The following CALCR variants were observed in gnomAD, a reference collection of about 807,000 sequenced individuals.
The protein encoded by CALCR is calcitonin receptor.
Under a neutral mutation model 59.5 loss-of-function variants are expected in CALCR, and 47 were observed. The observed-to-expected ratio is 0.79, with a 90% CI of 0.63 to 1.01. The LOEUF (loss-of-function observed/expected upper bound fraction) is 1.01. Among genes scored for constraint, CALCR ranks in the 50% least tolerant of loss-of-function variants. The pLI is 0.00. For synonymous variants in CALCR, 213 were observed against 211.3 expected, an observed-to-expected ratio of 1.01 and a Z score of -0.07; for missense variants, 566 against 597.1, an observed-to-expected ratio of 0.95 and a Z score of 0.54.
At chr7:93,533,848 T>C (rs921198850) in intron 2 of CALCR, among the ~76,000 whole-genome samples, 5 of 151,878 alleles carry the variant, frequency 3.3e-5, no homozygotes, top group Non-Finnish European at 5.9e-5. Context: ...GTTATTTCTT[T>C]GGGAAGTAAA....
At chr7:93,508,373 G>A (rs1392544592) in intron 2 of CALCR, among the ~76,000 whole-genome samples, 2 of 152,038 alleles carry the variant, frequency 1.3e-5, no homozygotes, top group African/African-American at 2.4e-5. Context: ...GAGAGCATGT[G>A]GACTCACAAA....
At chr7:93,460,242 A>G (rs1439128817) in intron 8 of CALCR, among the ~76,000 whole-genome samples, 1 of 151,866 alleles carries the variant, frequency 6.6e-6, no homozygotes, top group African/African-American at 2.4e-5. Context: ...ATGTTAATAA[A>G]TTACTGGTTA....
chr7:93,432,516 G>A (rs890668545), intron 13 of CALCR, among the ~76,000 whole-genome samples: 2 of 152,092 alleles, frequency 1.3e-5, no homozygotes, highest in African/African-American at 4.8e-5. Flanking sequence ...CCTTCCCCCA[G>A]TAACGGGATC....
intron 2 of CALCR, among the ~76,000 whole-genome samples, chr7:93,560,772 A>G (rs1789727123): frequency 2.0e-5 from 3 of 152,026 alleles, no homozygotes; most frequent in Non-Finnish European, 4.4e-5. Flanking sequence ...AGTGAAGATA[A>G]AGTTTGGGAT....
chr7:93,532,838 CAAAAAAAAAAAA>C lies in CALCR; in HGVS notation c.-27+41439_-27+41450del, dbSNP rs57128008. ...TAGCCTTGATTCCTCATGTCCAAAG[CAAAAAAAAAAAA>C]AAAAAAAAAAAAATACTTACTCAAC... On this transcript the variant is annotated intron_variant, in intron 2 of 13. Coordinates refer to ENST00000426151, the MANE Select transcript of CALCR (RefSeq NM_001742.4). Among the ~76,000 whole-genome samples, 56 of 95,680 alleles carry C rather than the reference CAAAAAAAAAAAA, an allele frequency of 5.9e-4. No individual in the cohort carries two copies. In the East Asian group the frequency reaches 0.013, roughly 22 times the overall value. 62.8% of individuals were successfully genotyped at this position (95,680 alleles called of 152,430 possible).
intron 2 of CALCR, among the ~76,000 whole-genome samples, chr7:93,552,024 G>C (rs1789472360): frequency 6.6e-6 from 1 of 152,148 alleles, no homozygotes; most frequent in African/African-American, 2.4e-5. Context: ...CAAAGAATGT[G>C]CAGAGCATGT....
At chr7:93,511,031 C>T (rs922478797) in intron 2 of CALCR, among the ~76,000 whole-genome samples, 4 of 151,730 alleles carry the variant, frequency 2.6e-5, no homozygotes, top group Non-Finnish European at 4.4e-5. Context: ...GAATTGAGAG[C>T]GGAAAGAGAA....
In CALCR at chr7:93,443,627, C is replaced by T. The variant is rs774475094; in HGVS notation, c.779G>A (p.Arg260Gln). 6.9e-5 allele frequency: 111 copies of T among 1,613,174 alleles called. No individual in the cohort carries two copies. The highest frequency in any genetic ancestry group is 3.3e-4 in the Middle Eastern group (2 of 6,078). Residue 260 changes from arginine (R) to glutamine (Q), a missense_variant, in exon 9 of 14, where the codon CGG becomes CAG. Coordinates refer to ENST00000426151, the MANE Select transcript of CALCR (RefSeq NM_001742.4). ...VAVFTEKQRL[R>Q]WYYLLGWGFP... ...ACCCCAGCCCAAGAGATAATACCACCGCAAGCGTTGCTTCTCAGTAAACAC... is the reference window on the plus strand; with the variant it reads ...ACCCCAGCCCAAGAGATAATACCACTGCAAGCGTTGCTTCTCAGTAAACAC...
intron 2 of CALCR, among the ~76,000 whole-genome samples, chr7:93,563,351 G>A (rs1178556502): frequency 6.6e-6 from 1 of 151,994 alleles, no homozygotes; most frequent in Non-Finnish European, 1.5e-5. Flanking sequence ...CATACCATGG[G>A]TTTCTGACTA....
intron 2 of CALCR, among the ~76,000 whole-genome samples, chr7:93,546,107 T>G (rs1789278440): frequency 6.6e-6 from 1 of 152,108 alleles, no homozygotes; most frequent in Non-Finnish European, 1.5e-5. Flanking sequence ...TATTAGTATT[T>G]TATTAATAGG....
intron 8 of CALCR, among the ~76,000 whole-genome samples, chr7:93,449,728 C>T (rs1800073154): frequency 6.6e-6 from 1 of 152,032 alleles, no homozygotes; most frequent in South Asian, 2.1e-4. Context: ...TTTTACCTAA[C>T]AGCACTACAA....
intron 6 of CALCR, 151 bp downstream of exon 6, chr7:93,472,224 T>C: frequency 3.5e-6 from 2 of 573,256 alleles, no homozygotes; most frequent in East Asian, 5.8e-5. Flanking sequence ...AATTCTACTC[T>C]AGAGATTCCT....
At chr7:93,529,901 T>A (rs1037495628) in intron 2 of CALCR, among the ~76,000 whole-genome samples, 10 of 152,174 alleles carry the variant, frequency 6.6e-5, no homozygotes, top group African/African-American at 1.9e-4. Flanking sequence ...CTAATTTACA[T>A]CCTCCCTGTA....
chr7:93,451,736 A>G (rs577613451), intron 8 of CALCR, among the ~76,000 whole-genome samples: 32 of 152,110 alleles, frequency 2.1e-4, no homozygotes, highest in Non-Finnish European at 4.0e-4. Flanking sequence ...TTATTTATTT[A>G]TTTAAGCATA....
intron 7 of CALCR, among the ~76,000 whole-genome samples, chr7:93,461,179 A>G (rs1406109831): frequency 1.3e-5 from 2 of 152,210 alleles, no homozygotes; most frequent in South Asian, 2.1e-4. Flanking sequence ...GGGTGACTTC[A>G]TAAAATAACT....
intron 7 of CALCR, among the ~76,000 whole-genome samples, chr7:93,465,458 AT>A (rs1230292296): frequency 1.3e-5 from 2 of 151,706 alleles, no homozygotes; most frequent in Non-Finnish European, 2.9e-5. Context: ...TATCATTCCA[AT>A]TTTTTCTGCG....
chr7:93,456,966 G>A (rs566856760), intron 8 of CALCR, among the ~76,000 whole-genome samples: 47 of 152,222 alleles, frequency 3.1e-4, no homozygotes, highest in African/African-American at 1.1e-3. Context: ...CCTGCTTATG[G>A]GGTTTATTAA....
At chr7:93,440,545 CTG>C (rs71528068) in intron 9 of CALCR, among the ~76,000 whole-genome samples, 13 of 150,272 alleles carry the variant, frequency 8.7e-5, no homozygotes, top group Non-Finnish European at 8.9e-5. Context: ...GTGTGTGTGT[CTG>C]TGTGTGTGTG....
chr7:93,461,228 A>G (rs1412863673), intron 7 of CALCR, among the ~76,000 whole-genome samples: 1 of 152,160 alleles, frequency 6.6e-6, no homozygotes, highest in Admixed American at 6.6e-5. Context: ...ATTATAACAA[A>G]TGTTGTAAAA....
Sources: allele counts gnomAD v4.1 joint callset (sites outside exome capture counted in the v4.1 genomes callset), GRCh38; gene constraint gnomAD v4.1.1; transcripts MANE v1.5; gene names NCBI Gene and HGNC (gene_info 2026-07-23, HGNC 2026-07-21).